The following ABCA13 variants were observed in gnomAD, a reference collection of about 807,000 sequenced individuals.
ABCA13 encodes the protein ATP binding cassette subfamily A member 13, also known as ATP-binding cassette sub-family A member 13.
In ABCA13, 476 loss-of-function variants were observed where a neutral mutation model predicts 478.7. The observed-to-expected ratio is 0.99, with a 90% confidence interval of 0.92 to 1.07. The LOEUF (loss-of-function observed/expected upper bound fraction) is 1.07, where lower values mean the gene tolerates loss of function less well. Among genes scored for constraint, ABCA13 ranks in the 50% least tolerant of loss-of-function variants. The pLI is 0.00. For missense variants in ABCA13, 6,060 were observed against 5,910.6 expected (o/e 1.03, Z -0.83); for synonymous variants, 2,252 against 2,158.9 (o/e 1.04, Z -1.20).
intron 3 of ABCA13, among the ~76,000 whole-genome samples, chr7:48,213,398 T>G (rs1268086549): frequency 6.6e-6 from 1 of 152,204 alleles, no homozygotes; most frequent in Non-Finnish European, 1.5e-5. Context: ...GCAATAGCAT[T>G]GTCTAAAAAA....
intron 55 of ABCA13, among the ~76,000 whole-genome samples, chr7:48,539,167 GC>G (rs1370336839): frequency 6.6e-6 from 1 of 152,092 alleles, no homozygotes; most frequent in East Asian, 1.9e-4. Flanking sequence ...AATTGCTTGA[GC>G]CCAGAGTTTG....
At chr7:48,477,390 G>GTA (rs1319373582) in intron 45 of ABCA13, among the ~76,000 whole-genome samples, 1 of 151,968 alleles carries the variant, frequency 6.6e-6, no homozygotes, top group African/African-American at 2.4e-5. Flanking sequence ...CCATTACTAG[G>GTA]TATATACCCA....
intron 28 of ABCA13, among the ~76,000 whole-genome samples, chr7:48,336,169 T>C (rs1314102017): frequency 6.6e-6 from 1 of 152,168 alleles, no homozygotes; most frequent in Non-Finnish European, 1.5e-5. Flanking sequence ...AGTTGTGTGA[T>C]CTTGGGCTAG....
At chr7:48,249,384 G>C in intron 15 of ABCA13, 33 bp downstream of exon 15, 1 of 1,607,464 alleles carries the variant, frequency 6.2e-7, no homozygotes, top group Non-Finnish European at 8.5e-7. Flanking sequence ...AGGAATGGGG[G>C]ATGCTTTCCC....
intron 27 of ABCA13, among the ~76,000 whole-genome samples, chr7:48,327,377 A>G (rs906074207): frequency 6.6e-6 from 1 of 152,140 alleles, no homozygotes; most frequent in Non-Finnish European, 1.5e-5. Flanking sequence ...ACCTCCCACC[A>G]TGTTCCTCTC....
chr7:48,366,181 C>G (rs1157492087), intron 31 of ABCA13, among the ~76,000 whole-genome samples: 6 of 152,052 alleles, frequency 3.9e-5, no homozygotes, highest in African/African-American at 1.4e-4. Context: ...AAAGAAAAGC[C>G]CAGGACCTGA....
intron 7 of ABCA13, among the ~76,000 whole-genome samples, chr7:48,233,713 G>T (rs543693313): frequency 8.2e-4 from 125 of 152,210 alleles, no homozygotes; most frequent in African/African-American, 2.9e-3. Context: ...TCTTGAGAAA[G>T]ACTTTTAGAA....
At chr7:48,640,228 G>A (rs1005666565) in intron 59 of ABCA13, among the ~76,000 whole-genome samples, 12 of 152,136 alleles carry the variant, frequency 7.9e-5, no homozygotes, top group Admixed American at 3.9e-4. Context: ...AATTTGGGGG[G>A]AAGGACTTTT....
intron 41 of ABCA13, among the ~76,000 whole-genome samples, chr7:48,424,470 T>C (rs1821151410): frequency 1.3e-5 from 2 of 152,214 alleles, no homozygotes; most frequent in Admixed American, 1.3e-4. Flanking sequence ...CAACTTTTTT[T>C]CCCTCATCAA....
In ABCA13 at chr7:48,309,972, C is replaced by A. The variant is rs1234811399; in HGVS notation, c.9347C>A (p.Ala3116Asp). The change falls in exon 24 of 62, where the codon GCT becomes GAT. Residue 3116 changes from alanine to aspartate, a missense_variant. Physicochemically the swap from Ala to Asp is moderately radical, Grantham distance 126 (BLOSUM62 -2). Transcript: ENST00000435803. ...GTTCTCTTCAGTGCCCTCACCGTAG[C>A]TCTGTCTGGAAAGTGTGATCAGGAA... ...SKVLFSALTV[A>D]LSGKCDQEIL... 1.2e-6 allele frequency: 2 copies of A among 1,613,850 alleles called. No individual in the cohort carries two copies. The highest frequency in any genetic ancestry group is 1.7e-6 in the Non-Finnish European group (2 of 1,179,790).
chr7:48,454,918 C>A, intron 42 of ABCA13, 119 bp from the exon 43 acceptor site: 1 of 1,338,774 alleles, frequency 7.5e-7, no homozygotes, highest in Non-Finnish European at 9.8e-7. Flanking sequence ...ATGGGGTGGG[C>A]CTGCGTCGCA....
chr7:48,399,465 T>C (rs1817293824), intron 38 of ABCA13, among the ~76,000 whole-genome samples: 1 of 152,150 alleles, frequency 6.6e-6, no homozygotes, highest in African/African-American at 2.4e-5. Context: ...AGCTTCATTG[T>C]TTTTCAAGGT....
At chr7:48,207,609 T>A (rs1453450571) in intron 3 of ABCA13, among the ~76,000 whole-genome samples, 4 of 152,168 alleles carry the variant, frequency 2.6e-5, no homozygotes, top group Admixed American at 2.6e-4. Flanking sequence ...TTTTGAGAAA[T>A]GTCTATTCAG....
At chr7:48,419,471 TA>T (rs1337111969) in intron 41 of ABCA13, among the ~76,000 whole-genome samples, 1 of 152,196 alleles carries the variant, frequency 6.6e-6, no homozygotes, top group Non-Finnish European at 1.5e-5. Context: ...TATAGAGTTG[TA>T]GAACCACCAC....
intron 58 of ABCA13, among the ~76,000 whole-genome samples, chr7:48,598,931 C>T (rs546932324): frequency 1.3e-5 from 2 of 152,098 alleles, no homozygotes; most frequent in Admixed American, 1.3e-4. Context: ...AGCACTCTTC[C>T]TTGAAAAGAT....
chr7:48,243,398 C>A lies in ABCA13; in HGVS notation c.1263-1178C>A, dbSNP rs1159254612. The stretch of plus-strand genomic sequence containing the variant: ...GTCAGAACAATGACTGACCTAAGCC[C>A]AGTTCATTCTGCAGATGGCCAATTC... On this transcript the variant is annotated intron_variant, in intron 10 of 61. Transcript: ENST00000435803. 3.3e-5 allele frequency among the ~76,000 whole-genome samples: 5 copies of A among 152,348 alleles called. No homozygotes were observed. In the South Asian group the frequency reaches 1.0e-3, roughly 32 times the overall value.
chr7:48,236,671 A>C (rs1437928788), intron 8 of ABCA13, among the ~76,000 whole-genome samples: 1 of 152,220 alleles, frequency 6.6e-6, no homozygotes, highest in Non-Finnish European at 1.5e-5. Flanking sequence ...TTGTGGTTAC[A>C]CTGGGCTCAC....
At position 48,372,130 on chromosome 7, in the gene ABCA13, A is replaced by G. The variant is rs199779469; in HGVS notation, c.10804-38A>G. ...CTGATTTGTTCTTCCTCAAGTACGC[A>G]TGCTGTGGTAACCTTGGGTTTTTTC... is the stretch of plus-strand genomic sequence containing the variant. On this transcript the variant is annotated intron_variant, in intron 32 of 61. Transcript: ENST00000435803. 6.0e-5 allele frequency: 94 copies of G among 1,560,388 alleles called. 2 individuals carry two copies. The South Asian group carries it at 7.6e-4, about 13-fold the overall frequency.
chr7:48,274,520 A>G lies in ABCA13; in HGVS notation c.4854A>G (p.Ile1618Met). The change falls in exon 17 of 62, where the codon ATA becomes ATG. Residue 1618 changes from isoleucine to methionine, a missense_variant. Ile to Met is a conservative substitution (Grantham distance 10). This residue lies in a region of ABCA13 where 4,423 missense variants were observed against 4,309.1 expected (regional missense o/e 1.03). Coordinates refer to ENST00000435803, the MANE Select transcript of ABCA13 (RefSeq NM_152701.5). Reference sequence around the variant, plus strand: ...ATGACCTCCAAAATTCACCAAAAATAATAATTTCACCTGAAATAATGAAAG... The same window carrying G: ...ATGACCTCCAAAATTCACCAAAAATGATAATTTCACCTGAAATAATGAAAG... ...LSHDLQNSPK[I>M]IISPEIMKAT... is the part of the protein sequence containing the mutation. 6.2e-7 allele frequency: 1 copy of G among 1,613,896 alleles called. No individual in the cohort carries two copies. Among genetic ancestry groups the G allele is most frequent in the Non-Finnish European group, 8.5e-7 (1 of 1,179,850 alleles).
Sources: gnomAD v4.1 joint callset for allele counts (sites outside exome capture counted in the v4.1 genomes callset) on GRCh38, gnomAD v4.1.1 for gene constraint, gnomAD v4.1.1 regional missense constraint, MANE v1.5 for transcripts, NCBI Gene and HGNC (gene_info 2026-07-23, HGNC 2026-07-21) for gene names.